The following CCNL1 variants were observed in gnomAD, a reference collection of about 807,000 sequenced individuals.
CCNL1 encodes the protein cyclin-L1.
A neutral mutation model predicts 60.6 loss-of-function variants in CCNL1; 13 were observed. The observed-to-expected ratio is 0.21, with a 90% CI of 0.14 to 0.34. The LOEUF (loss-of-function observed/expected upper bound fraction) is 0.34, where lower values mean the gene tolerates loss of function less well. CCNL1 is among the 10% of genes least tolerant of loss of function. The pLI is 1.00. For synonymous variants in CCNL1, 270 were observed against 244.3 expected (o/e 1.10, Z -0.98); for missense variants, 481 against 664.3 (o/e 0.72, Z 3.03).
intron 6 of CCNL1, 51 bp downstream of exon 6, chr3:157,150,231 G>A (rs758348130): frequency 1.1e-5 from 18 of 1,608,772 alleles, no homozygotes; most frequent in East Asian, 2.2e-5. Flanking sequence ...TGGAACCACC[G>A]AAAATTTGTG....
rs1323285733 is a variant in CCNL1 at position 157,160,033 on chromosome 3, C to G, written c.62G>C (p.Ser21Thr). The change falls in exon 1 of 11, where the codon AGC (serine) becomes ACC (threonine). Residue 21 changes from serine to threonine, a missense_variant. Physicochemically the swap from Ser to Thr is moderately conservative, Grantham distance 58. This residue lies in a region of CCNL1 where 65 missense variants were observed against 57.5 expected (regional missense o/e 1.13). Coordinates refer to ENST00000295926, the MANE Select transcript of CCNL1 (RefSeq NM_020307.4). Reference protein sequence around the residue: ...AAAAASSAAPSAGGSSSGTTT... With the variant: ...AAAAASSAAPTAGGSSSGTTT... The stretch of plus-strand genomic sequence containing the variant: ...CGTCCCGGAGCTGGAGCCGCCCGCG[C>G]TTGGGGCGGCCGATGAGGCGGCTGC... The G allele has an allele frequency of 5.2e-5, 81 of 1,567,082 alleles. No individual in the cohort carries two copies. Among genetic ancestry groups the G allele is most frequent in the Non-Finnish European group, 6.7e-5 (78 of 1,156,186 alleles).
intron 2 of CCNL1, 104 bp downstream of exon 2, chr3:157,159,300 TA>T: frequency 1.9e-6 from 2 of 1,069,918 alleles, no homozygotes; most frequent in Non-Finnish European, 2.8e-6. Context: ...TACAAAGGCC[TA>T]AACTAAACCA....
chr3:157,158,601 C>T (rs1261979245), intron 3 of CCNL1: 1 of 270,162 alleles, frequency 3.7e-6, no homozygotes, highest in African/African-American at 2.3e-5. Context: ...CTTGTTTAAT[C>T]TTAAGCCACA....
At chr3:157,159,325 A>G in intron 2 of CCNL1, 80 bp downstream of exon 2, 2 of 1,338,474 alleles carry the variant, frequency 1.5e-6, no homozygotes, top group Non-Finnish European at 2.1e-6. Flanking sequence ...CCTTTCTGGA[A>G]AAGCTGGCTG....
intron 3 of CCNL1, chr3:157,153,387 T>C: frequency 1.0e-5 from 4 of 398,184 alleles, no homozygotes; most frequent in Non-Finnish European, 1.8e-5. Context: ...TGAAAAAAAT[T>C]CACTCTAATG....
chr3:157,148,164 T>G lies in CCNL1; in HGVS notation c.*77A>C. The G allele has an allele frequency of 6.6e-7, 1 of 1,519,252 alleles. No individual in the cohort carries two copies. The allele number at this position is 1,519,252 out of a possible 1,614,324, so 94.1% of individuals were successfully genotyped here. A position where few individuals can be genotyped will look rare whatever the true frequency, so the allele number is the denominator to read the frequency against. Reference sequence around the variant, plus strand: ...CAAATCCTAATCAGTTTGCGTTTAATGTTTTTGATTGAGTCCATACATCAC... The same window carrying G: ...CAAATCCTAATCAGTTTGCGTTTAAGGTTTTTGATTGAGTCCATACATCAC... On this transcript the variant is annotated 3_prime_UTR_variant, in exon 11 of 11. Transcript: ENST00000295926.
chr3:157,159,225 T>G, intron 2 of CCNL1, 180 bp downstream of exon 2: 1 of 659,968 alleles, frequency 1.5e-6, no homozygotes, highest in East Asian at 2.7e-5. Context: ...AGAGGGCACT[T>G]AGGCTCGTGA....
chr3:157,148,028 G>C lies in CCNL1; in HGVS notation c.*213C>G. ...ATAAAGTACAATTGAACCTGACCAT[G>C]GTTTTTAATTAGATACTGCTAGGGC... On this transcript the variant is annotated 3_prime_UTR_variant, in exon 11 of 11. Transcript: ENST00000295926. 4.5e-6 allele frequency: 6 copies of C among 1,325,058 alleles called. No individual in the cohort carries two copies. Among genetic ancestry groups the C allele is most frequent in the Non-Finnish European group, 5.8e-6 (6 of 1,041,682 alleles). The allele number at this position is 1,325,058 out of a possible 1,614,324, so 82.1% of individuals were successfully genotyped here.
chr3:157,159,872 C>G lies in CCNL1; in HGVS notation c.223G>C (p.Asp75His), dbSNP rs532947824. 6.3e-7 allele frequency: 1 copy of G among 1,593,762 alleles called. No individual in the cohort carries two copies. Among genetic ancestry groups the G allele is most frequent in the East Asian group, 2.3e-5 (1 of 43,774 alleles). The change falls in exon 1 of 11, where the codon GAC becomes CAC. Residue 75 changes from aspartate (D) to histidine (H), a missense_variant. Physicochemically the swap from Asp to His is moderately conservative, Grantham distance 81. Coordinates refer to ENST00000295926, the MANE Select transcript of CCNL1 (RefSeq NM_020307.4). ...SPTPSMQDGL[D>H]LPSETDLRIL... ...CGTAAGTCCGTCTCACTGGGCAGGT[C>G]GAGCCCATCCTGCATGGATGGGGTG...
In CCNL1 at chr3:157,148,189, C is replaced by A; in HGVS notation, c.*52G>T. The A allele has an allele frequency of 1.3e-6, 2 of 1,569,410 alleles. No homozygotes were observed. The highest frequency in any genetic ancestry group is 8.6e-7 in the Non-Finnish European group (1 of 1,159,938). ...TGTTTTTGATTGAGTCCATACATCA[C>A]ACTGTAGATAGGCAAAACCAAGAAC... On this transcript the variant is annotated 3_prime_UTR_variant, in exon 11 of 11. Coordinates refer to ENST00000295926, the MANE Select transcript of CCNL1 (RefSeq NM_020307.4).
chr3:157,145,437 CAAA>C (rs56894231), downstream of CCNL1, among the ~76,000 whole-genome samples: 11 of 24,262 alleles, frequency 4.5e-4, no homozygotes, highest in East Asian at 3.4e-3. Context: ...GACTTCATCT[CAAA>C]AAAAAAAAAA....
rs925840173 is a variant in CCNL1, at chr3:157,149,689, G to A, written c.1022-93C>T. Reference sequence around the variant, plus strand: ...ATGTAACTCAAAGTACCATGCTTCCGCTTCCATGTTGGTTGACTGCCATGA... The same window carrying A: ...ATGTAACTCAAAGTACCATGCTTCCACTTCCATGTTGGTTGACTGCCATGA... On this transcript the variant is annotated intron_variant, in intron 8 of 10. Coordinates refer to ENST00000295926, the MANE Select transcript of CCNL1 (RefSeq NM_020307.4). 4.1e-6 allele frequency: 6 copies of A among 1,456,642 alleles called. No homozygotes were observed. The East Asian group carries it at 6.8e-5, about 17-fold the overall frequency. The allele number at this position is 1,456,642 out of a possible 1,614,324, so 90.2% of individuals were successfully genotyped here.
rs376017453 is a variant in CCNL1 at position 157,148,260 on chromosome 3, T to C, written c.1562A>G (p.His521Arg). 31 of 1,613,930 alleles carry C rather than the reference T, an allele frequency of 1.9e-5. No homozygotes were observed. The highest frequency in any genetic ancestry group is 2.5e-5 in the Non-Finnish European group (30 of 1,179,906). ...AGAAAGTCAGCGCCTGTGCCTGCCA[T>C]GTCCTGAGCGACTGCCACCATGGTG... is the stretch of plus-strand genomic sequence containing the variant. Reference protein sequence around the residue: ...SKHHGGSRSGHGRHRR With the variant: ...SKHHGGSRSGRGRHRR Residue 521 changes from histidine to arginine, a missense_variant, in exon 11 of 11, where the codon CAT becomes CGT. Around this residue, in one of 5 missense-constraint regions of CCNL1, gnomAD observed 197 missense variants for 233.9 expected, o/e 0.84. Transcript: ENST00000295926.
chr3:157,145,618 C>A (rs768290315), downstream of CCNL1, among the ~76,000 whole-genome samples: 56 of 151,972 alleles, frequency 3.7e-4, no homozygotes, highest in Non-Finnish European at 5.4e-4. Flanking sequence ...GTACAAGCAC[C>A]AATGGATAAG....
rs552574994 is a variant in CCNL1, at chr3:157,148,157, C to T, written c.*84G>A. The T allele has an allele frequency of 2.1e-5, 32 of 1,507,592 alleles. No homozygotes were observed. Among genetic ancestry groups the T allele is most frequent in the Admixed American group, 1.2e-4 (5 of 42,796 alleles). 93.4% of individuals were successfully genotyped at this position (1,507,592 alleles called of 1,614,324 possible). ...AAGAAATCAAATCCTAATCAGTTTG[C>T]GTTTAATGTTTTTGATTGAGTCCAT... On this transcript the variant is annotated 3_prime_UTR_variant, in exon 11 of 11. Coordinates refer to ENST00000295926, the MANE Select transcript of CCNL1 (RefSeq NM_020307.4).
intron 3 of CCNL1, chr3:157,153,359 G>T: frequency 2.2e-6 from 1 of 448,728 alleles, no homozygotes; most frequent in Non-Finnish European, 3.9e-6. Context: ...GTTCCTAAAG[G>T]AACTAACAAT....
At chr3:157,155,706 G>A (rs1406443159) in intron 3 of CCNL1, among the ~76,000 whole-genome samples, 3 of 152,036 alleles carry the variant, frequency 2.0e-5, no homozygotes, top group Non-Finnish European at 2.9e-5. Context: ...AGTAAACAAA[G>A]TCTCAAAGTA....
At position 157,149,960 on chromosome 3, in the gene CCNL1, C is replaced by T. The variant is rs777522267; in HGVS notation, c.897G>A (p.Leu299=). 5.6e-6 allele frequency: 9 copies of T among 1,611,434 alleles called. No individual in the cohort carries two copies. The highest frequency in any genetic ancestry group is 7.6e-6 in the Non-Finnish European group (9 of 1,179,526). ...CTTTTCTTTTTTCTACTTCTTTTTC[C>T]AGTAATTCATAGTTTGGCTGTTGGA... ...YTRKKPNYEL[L]EKEVEKRKVA... Residue 299 remains leucine (L), a synonymous_variant, in exon 8 of 11, where the codon CTG becomes CTA. Transcript: ENST00000295926.
At chr3:157,157,963 C>T (rs1242999613) in intron 3 of CCNL1, among the ~76,000 whole-genome samples, 2 of 152,160 alleles carry the variant, frequency 1.3e-5, no homozygotes, top group Non-Finnish European at 2.9e-5. Flanking sequence ...TTAATAACTT[C>T]CTTTCAAACT....
Sources: allele counts gnomAD v4.1 joint callset (sites outside exome capture counted in the v4.1 genomes callset), GRCh38; gene constraint gnomAD v4.1.1; regional missense constraint gnomAD v4.1.1; transcripts MANE v1.5; gene names NCBI Gene and HGNC (gene_info 2026-07-23, HGNC 2026-07-21).